Variants in DTNB observed in about 807,000 individuals in gnomAD.
DTNB encodes DTN-B.
DTNB carries 63 observed loss-of-function variants against 90.7 expected under a neutral mutation model. That is an observed-to-expected ratio of 0.69 (90% confidence interval 0.57 to 0.86). The LOEUF (loss-of-function observed/expected upper bound fraction) is 0.86. DTNB is among the 40% of genes least tolerant of loss of function. The pLI, the probability that DTNB is intolerant of heterozygous loss-of-function variation, is 0.00. For synonymous variants in DTNB, 277 were observed against 286.7 expected (o/e 0.97, Z 0.34); for missense variants, 744 against 807.1 (o/e 0.92, Z 0.95).
intron 2 of DTNB, among the ~76,000 whole-genome samples, chr2:25,649,512 C>T (rs1326094056): frequency 6.6e-6 from 1 of 151,988 alleles, no homozygotes; most frequent in African/African-American, 2.4e-5. Context: ...CCCAGGAGTT[C>T]GAGACCAGCC....
chr2:25,541,780 G>A (rs968860113), intron 8 of DTNB, among the ~76,000 whole-genome samples: 11 of 152,150 alleles, frequency 7.2e-5, no homozygotes, highest in African/African-American at 2.7e-4. Context: ...ATACCCATAA[G>A]TGGAATTGCT....
At position 25,387,854 on chromosome 2, in the gene DTNB, C is replaced by T. The variant is rs1219685588; in HGVS notation, c.1735+348G>A. Among the ~76,000 whole-genome samples the T allele has an allele frequency of 3.3e-5, 5 of 152,252 alleles. No individual in the cohort carries two copies. Among genetic ancestry groups the T allele is most frequent in the Admixed American group, 3.3e-4 (5 of 15,292 alleles). On this transcript the variant is annotated intron_variant, in intron 17 of 20. Transcript: ENST00000406818. This position sits in a 1 kb window ranked among gnomAD's most constrained non-coding sequence, Gnocchi z 4.5. ...GCATACTGTGCTTTCAGCACGGTCC[C>T]AGTTACAGTGCCTGTTACAGTCCCT...
chr2:25,667,744 G>T (rs1254106279), intron 1 of DTNB, among the ~76,000 whole-genome samples: 3 of 151,998 alleles, frequency 2.0e-5, no homozygotes, highest in African/African-American at 7.2e-5. Context: ...CTTACCATTC[G>T]ACCCAGCAAT....
chr2:25,655,856 C>G (rs1323200987), intron 1 of DTNB, among the ~76,000 whole-genome samples: 3 of 152,142 alleles, frequency 2.0e-5, no homozygotes, highest in Non-Finnish European at 4.4e-5. Context: ...TCAGGTAGAT[C>G]TACCACCTCC....
At chr2:25,484,476 A>G (rs2065716376) in intron 9 of DTNB, among the ~76,000 whole-genome samples, 1 of 152,222 alleles carries the variant, frequency 6.6e-6, no homozygotes, top group Non-Finnish European at 1.5e-5. Flanking sequence ...ATAAAAGCTC[A>G]AGGGGAAATA....
intron 1 of DTNB, among the ~76,000 whole-genome samples, chr2:25,655,914 C>A (rs1189176742): frequency 6.6e-6 from 1 of 152,084 alleles, no homozygotes; most frequent in Admixed American, 6.5e-5. Context: ...TATAAATACT[C>A]CAACTACCTT....
chr2:25,518,963 A>T (rs1031365264), intron 9 of DTNB, among the ~76,000 whole-genome samples: 3 of 152,210 alleles, frequency 2.0e-5, no homozygotes, highest in Middle Eastern at 3.2e-3. Context: ...ATACAGGAGA[A>T]CAAAAAGCAA....
At chr2:25,392,223 A>G (rs528189670) in intron 16 of DTNB, among the ~76,000 whole-genome samples, 6 of 152,222 alleles carry the variant, frequency 3.9e-5, no homozygotes, top group Admixed American at 6.5e-5. Context: ...AGCCTGGGCA[A>G]CATGGTGAAA....
In DTNB at chr2:25,387,102, C is replaced by G; in HGVS notation, c.1825+187G>C. 3.6e-6 allele frequency: 2 copies of G among 560,344 alleles called. No individual in the cohort carries two copies. Among genetic ancestry groups the G allele is most frequent in the Non-Finnish European group, 6.4e-6 (2 of 312,672 alleles). 34.7% of individuals were successfully genotyped at this position (560,344 alleles called of 1,614,324 possible). Reference sequence around the variant, plus strand: ...AGGCCTGAATGTGAAACCGCCCCTACGCGATCCTGTGTGACAGAGGCTCTC... The same window carrying G: ...AGGCCTGAATGTGAAACCGCCCCTAGGCGATCCTGTGTGACAGAGGCTCTC... On this transcript the variant is annotated intron_variant, in intron 18 of 20. Transcript: ENST00000406818. This position sits in a 1 kb window ranked among gnomAD's most constrained non-coding sequence, Gnocchi z 4.5.
chr2:25,397,025 A>T (rs2042548720), intron 16 of DTNB, among the ~76,000 whole-genome samples: 2 of 152,040 alleles, frequency 1.3e-5, no homozygotes, highest in South Asian at 4.1e-4. Context: ...ATAAAGACCA[A>T]ATACCACCCC....
rs138322166 is a variant in DTNB at position 25,538,237 on chromosome 2, ATAT to A, written c.877-6643_877-6641del. 5.1e-3 allele frequency among the ~76,000 whole-genome samples: 596 copies of A among 116,480 alleles called. 3 individuals are homozygous for A. Among genetic ancestry groups the A allele is most frequent in the African/African-American group, 0.021 (553 of 26,710 alleles). 76.4% of individuals were successfully genotyped at this position (116,480 alleles called of 152,430 possible). A position where few individuals can be genotyped will look rare whatever the true frequency, so the allele number is the denominator to read the frequency against. ...ATCTCAAAAACAACAACAACAAAAA[ATAT>A]ATATATATCCAAACATTAGCCAGGT... On this transcript the variant is annotated intron_variant, in intron 8 of 20. Transcript: ENST00000406818.
At chr2:25,596,350 T>C in intron 5 of DTNB, 110 bp from the exon 6 acceptor site, 1 of 1,253,312 alleles carries the variant, frequency 8.0e-7, no homozygotes, top group Middle Eastern at 2.7e-4. Flanking sequence ...AAAAGTATCA[T>C]AAAATTATTG....
intron 6 of DTNB, among the ~76,000 whole-genome samples, chr2:25,591,801 C>T (rs557418448): frequency 6.6e-6 from 1 of 152,192 alleles, no homozygotes; most frequent in Non-Finnish European, 1.5e-5. Flanking sequence ...TGGCTCACAC[C>T]TGTAATCCCA....
intron 6 of DTNB, 139 bp from the exon 7 acceptor site, chr2:25,580,965 C>T (rs1185903908): frequency 1.6e-6 from 1 of 625,430 alleles, no homozygotes; most frequent in Non-Finnish European, 2.8e-6. Context: ...TTTTACATTA[C>T]TACAGACACT....
chr2:25,597,275 G>A (rs1408647972), intron 5 of DTNB, among the ~76,000 whole-genome samples: 1 of 151,882 alleles, frequency 6.6e-6, no homozygotes, highest in African/African-American at 2.4e-5. Context: ...AGACTACAGT[G>A]AGCCGTGATG....
At chr2:25,599,292 A>T (rs570751358) in intron 5 of DTNB, among the ~76,000 whole-genome samples, 1 of 151,956 alleles carries the variant, frequency 6.6e-6, no homozygotes, top group East Asian at 1.9e-4. Flanking sequence ...TAAGCAAATC[A>T]AAGATAAAGA....
At chr2:25,598,337 C>A (rs2065081845) in intron 5 of DTNB, among the ~76,000 whole-genome samples, 1 of 152,102 alleles carries the variant, frequency 6.6e-6, no homozygotes, top group African/African-American at 2.4e-5. Flanking sequence ...AGTGTGAATC[C>A]CAGATGAACA....
intron 2 of DTNB, among the ~76,000 whole-genome samples, chr2:25,643,365 G>A (rs529389103): frequency 9.8e-5 from 15 of 152,300 alleles, no homozygotes; most frequent in African/African-American, 3.6e-4. Flanking sequence ...AGGAAACGAA[G>A]TTACATGAAG....
intron 12 of DTNB, among the ~76,000 whole-genome samples, chr2:25,436,497 A>G (rs1238790983): frequency 1.3e-5 from 2 of 152,156 alleles, no homozygotes; most frequent in African/African-American, 2.4e-5. Context: ...TGTACCATGA[A>G]GACCTTGTTT....
Sources: allele counts gnomAD v4.1 joint callset (sites outside exome capture counted in the v4.1 genomes callset), GRCh38; gene constraint gnomAD v4.1.1; non-coding constraint Gnocchi (gnomAD v3.1); transcripts MANE v1.5; gene names NCBI Gene and HGNC (gene_info 2026-07-23, HGNC 2026-07-21).